Variants in PKHD1 observed in about 807,000 individuals in gnomAD.
PKHD1 encodes the protein PKHD1 ciliary IPT domain containing fibrocystin/polyductin.
Under a neutral mutation model 412.0 loss-of-function variants are expected in PKHD1, and 291 were observed. The observed-to-expected ratio is 0.71, with a 90% CI of 0.64 to 0.78. The LOEUF is 0.78. Among genes scored for constraint, PKHD1 ranks in the 30% least tolerant of loss-of-function variants. The pLI, the probability that PKHD1 is intolerant of heterozygous loss-of-function variation, is 0.00. For synonymous variants in PKHD1, 1,777 were observed against 1,821.5 expected, an observed-to-expected ratio of 0.98 and a Z score of 0.62; for missense variants, 4,825 against 4,950.7, an observed-to-expected ratio of 0.97 and a Z score of 0.76.
chr6:52,085,157 G>A, intron 1 of PKHD1, 140 bp from the exon 2 acceptor site: 2 of 531,458 alleles, frequency 3.8e-6, no homozygotes, highest in East Asian at 6.7e-5. Flanking sequence ...ATTTTTCCAA[G>A]CTCAGGAGAA....
intron 48 of PKHD1, among the ~76,000 whole-genome samples, chr6:51,858,449 G>A (rs181860005): frequency 3.9e-5 from 6 of 152,204 alleles, no homozygotes; most frequent in East Asian, 3.9e-4. Context: ...AGGTAAGTTC[G>A]AACTAAGAAA....
chr6:51,752,234 A>G (rs1465142801), intron 57 of PKHD1, among the ~76,000 whole-genome samples: 1 of 152,114 alleles, frequency 6.6e-6, no homozygotes, highest in Non-Finnish European at 1.5e-5. Context: ...CAACCTCAAC[A>G]CTATTGACAT....
chr6:52,006,371 G>GTTGTTGTTGT (rs1554189208), intron 35 of PKHD1, among the ~76,000 whole-genome samples: 1 of 148,574 alleles, frequency 6.7e-6, no homozygotes, highest in African/African-American at 2.5e-5. Context: ...TGTTGTTGTT[G>GTTGTTGTTGT]TTGTTTGTTT....
At chr6:51,936,637 T>C (rs1335475906) in intron 36 of PKHD1, among the ~76,000 whole-genome samples, 1 of 152,178 alleles carries the variant, frequency 6.6e-6, no homozygotes, top group Non-Finnish European at 1.5e-5. Context: ...ACCCCTCCTC[T>C]TAGGCAAGGG....
In PKHD1 at chr6:51,742,598, G is replaced by C. The variant is rs144978561; in HGVS notation, c.10156+1787C>G. On this transcript the variant is annotated intron_variant, in intron 60 of 66. Transcript: ENST00000371117. The stretch of plus-strand genomic sequence containing the variant: ...TTCATTCTGCATGCTCTTGGATGAC[G>C]TGTAACAGCAAACTCTTCTGGCTGG... Among the ~76,000 whole-genome samples, 6 of 152,150 alleles carry C rather than the reference G, an allele frequency of 3.9e-5. No individual in the cohort carries two copies. The South Asian group carries it at 8.3e-4, about 21-fold the overall frequency.
chr6:51,635,859 G>C (rs1251474502), intron 64 of PKHD1, among the ~76,000 whole-genome samples: 1 of 112,394 alleles, frequency 8.9e-6, no homozygotes, highest in Non-Finnish European at 2.0e-5. Flanking sequence ...TGGTGAAGGT[G>C]GGGGGGGGCG....
chr6:51,658,130 A>T (rs1254088693), intron 61 of PKHD1, among the ~76,000 whole-genome samples: 2 of 152,132 alleles, frequency 1.3e-5, no homozygotes, highest in Non-Finnish European at 2.9e-5. Context: ...TAACATGGTG[A>T]AGGTTTGGTA....
intron 47 of PKHD1, 151 bp downstream of exon 47, chr6:51,870,353 G>A (rs1775783080): frequency 1.4e-6 from 1 of 728,346 alleles, no homozygotes; most frequent in African/African-American, 1.7e-5. Flanking sequence ...GAACCTCCAG[G>A]ATGTCTTTTA....
chr6:51,915,568 T>G (rs1783649054), intron 37 of PKHD1, among the ~76,000 whole-genome samples: 1 of 152,074 alleles, frequency 6.6e-6, no homozygotes. Context: ...CCCCAATGTC[T>G]TGGTGTCCAG....
At chr6:51,769,695 A>G (rs76817944) in intron 55 of PKHD1, among the ~76,000 whole-genome samples, 3 of 102,098 alleles carry the variant, frequency 2.9e-5, no homozygotes, top group East Asian at 2.7e-4. Context: ...TTGACAGTTA[A>G]TCTTCTTTGT....
intron 53 of PKHD1, 71 bp from the exon 54 acceptor site, chr6:51,775,992 A>T: frequency 1.3e-6 from 1 of 763,954 alleles, no homozygotes; most frequent in Non-Finnish European, 2.4e-6. Context: ...AAATTGCAGT[A>T]TAATTTCAAT....
chr6:51,826,166 C>T (rs1447546696), intron 52 of PKHD1, among the ~76,000 whole-genome samples: 1 of 152,050 alleles, frequency 6.6e-6, no homozygotes, highest in Non-Finnish European at 1.5e-5. Flanking sequence ...TGATCTTTTG[C>T]AATTTAACAA....
chr6:52,049,551 GA>G (rs1806433547), intron 22 of PKHD1, among the ~76,000 whole-genome samples: 1 of 152,138 alleles, frequency 6.6e-6, no homozygotes, highest in South Asian at 2.1e-4. Flanking sequence ...GGGTTTAGGT[GA>G]AAAATTAAAA....
chr6:52,040,309 G>T (rs1474114620), intron 27 of PKHD1, among the ~76,000 whole-genome samples: 1 of 152,136 alleles, frequency 6.6e-6, no homozygotes, highest in East Asian at 1.9e-4. Context: ...GTAAAGAAAA[G>T]AATAAAATAT....
chr6:51,827,642 G>A (rs564086634), intron 52 of PKHD1, among the ~76,000 whole-genome samples: 1 of 152,008 alleles, frequency 6.6e-6, no homozygotes, highest in Admixed American at 6.6e-5. Flanking sequence ...TTACCCTAGA[G>A]ACACTATGAT....
At chr6:51,788,136 CA>C (rs1163350392) in intron 53 of PKHD1, among the ~76,000 whole-genome samples, 6 of 152,036 alleles carry the variant, frequency 3.9e-5, no homozygotes, top group South Asian at 4.2e-4. Flanking sequence ...AAAATCAGCC[CA>C]ATACAACTGT....
chr6:51,750,190 C>T (rs1215632725), intron 57 of PKHD1, among the ~76,000 whole-genome samples: 3 of 152,014 alleles, frequency 2.0e-5, no homozygotes, highest in South Asian at 2.1e-4. Flanking sequence ...AACAGGATTC[C>T]GAAGTATCTA....
chr6:51,714,421 T>C (rs1781017724), intron 60 of PKHD1, among the ~76,000 whole-genome samples: 1 of 152,022 alleles, frequency 6.6e-6, no homozygotes, highest in South Asian at 2.1e-4. Context: ...TCTTCTACCT[T>C]CCAATGAACA....
chr6:51,639,105 C>G (rs2150330425), intron 63 of PKHD1, 149 bp from the exon 64 acceptor site: 2 of 709,226 alleles, frequency 2.8e-6, no homozygotes, highest in Non-Finnish European at 5.2e-6. Context: ...TCTTCTTAGT[C>G]AAGACTTAGA....
Sources: allele counts gnomAD v4.1 joint callset (sites outside exome capture counted in the v4.1 genomes callset), GRCh38; gene constraint gnomAD v4.1.1; transcripts MANE v1.5; gene names NCBI Gene and HGNC (gene_info 2026-07-23, HGNC 2026-07-21).